Variants in KCNH1 observed in about 807,000 individuals in gnomAD.
The protein encoded by KCNH1 is potassium voltage-gated channel subfamily H member 1, also known as voltage-gated delayed rectifier potassium channel KCNH1.
Under a neutral mutation model 69.2 loss-of-function variants are expected in KCNH1, and 27 were observed. The observed-to-expected ratio is 0.39, with a 90% CI of 0.29 to 0.54. The LOEUF is 0.54. KCNH1 is among the 20% of genes least tolerant of loss of function. KCNH1 has a pLI of 0.68. For synonymous variants in KCNH1, 456 were observed against 487.7 expected, an observed-to-expected ratio of 0.93 and a Z score of 0.86; for missense variants, 798 against 1,261.6, an observed-to-expected ratio of 0.63 and a Z score of 5.57.
chr1:210,916,841 T>C (rs1687341609), intron 7 of KCNH1, among the ~76,000 whole-genome samples: 1 of 152,002 alleles, frequency 6.6e-6, no homozygotes, highest in Non-Finnish European at 1.5e-5. Context: ...TACCCGTGTA[T>C]TTTACATTTT....
chr1:211,096,404 C>T (rs1205746890), intron 3 of KCNH1, among the ~76,000 whole-genome samples: 6 of 152,140 alleles, frequency 3.9e-5, no homozygotes, highest in Non-Finnish European at 8.8e-5. Flanking sequence ...TTTTAAATTT[C>T]TCACCTGTAA....
At chr1:210,952,824 G>A (rs1455615211) in intron 6 of KCNH1, among the ~76,000 whole-genome samples, 5 of 152,326 alleles carry the variant, frequency 3.3e-5, no homozygotes, top group Non-Finnish European at 7.3e-5. Context: ...ATATCATTCA[G>A]GTAAACTATC....
intron 10 of KCNH1, among the ~76,000 whole-genome samples, chr1:210,773,667 T>TC (rs34093365): frequency 0.63 from 95,006 of 151,974 alleles, 30,182 homozygotes; most frequent in African/African-American, 0.67. Flanking sequence ...TGGATTCAGC[T>TC]AGGTATCACC....
intron 7 of KCNH1, among the ~76,000 whole-genome samples, chr1:210,818,988 T>C (rs1428851321): frequency 6.6e-6 from 1 of 152,228 alleles, no homozygotes; most frequent in African/African-American, 2.4e-5. Context: ...CTAATTTAGT[T>C]TGCAAGTAAC....
intron 7 of KCNH1, among the ~76,000 whole-genome samples, chr1:210,918,318 A>G (rs2102559557): frequency 6.6e-6 from 1 of 152,350 alleles, no homozygotes; most frequent in South Asian, 2.1e-4. Context: ...ACCTACTGAA[A>G]CAAGAACGCA....
chr1:211,132,984 C>T (rs767318034), intron 1 of KCNH1: 2 of 152,360 alleles, frequency 1.3e-5, no homozygotes, highest in Middle Eastern at 3.4e-3. Flanking sequence ...TCCATCCCCG[C>T]TCCTAGGACT....
intron 10 of KCNH1, among the ~76,000 whole-genome samples, chr1:210,744,149 C>T (rs1683095978): frequency 6.6e-6 from 1 of 152,314 alleles, no homozygotes; most frequent in East Asian, 1.9e-4. Flanking sequence ...GTGGTCCCTC[C>T]ACCGGAATGC....
Position 210,923,787 on chromosome 1 carries a change from A to G in KCNH1, c.1033-3718T>C, listed in dbSNP as rs551377257. ...CTATACCTTTCTGAAGGCAGAGGCCACTTGTTATTCATTTTAGAAGCCCCA... is the reference window on the plus strand; with the variant it reads ...CTATACCTTTCTGAAGGCAGAGGCCGCTTGTTATTCATTTTAGAAGCCCCA... On this transcript the variant is annotated intron_variant, in intron 6 of 10. Transcript: ENST00000271751. 4.6e-5 allele frequency among the ~76,000 whole-genome samples: 7 copies of G among 152,326 alleles called. No homozygotes were observed. The East Asian group carries it at 9.6e-4, about 21-fold the overall frequency.
chr1:210,729,772 T>C (rs1682698265), intron 10 of KCNH1, among the ~76,000 whole-genome samples: 1 of 152,186 alleles, frequency 6.6e-6, no homozygotes, highest in Non-Finnish European at 1.5e-5. Context: ...TGGATGAAGA[T>C]GATGACCCCT....
intron 10 of KCNH1, among the ~76,000 whole-genome samples, chr1:210,695,845 C>T (rs12754784): frequency 0.062 from 9,457 of 152,304 alleles, 418 homozygotes; most frequent in Non-Finnish European, 0.096. Flanking sequence ...CTCCACACTC[C>T]GCTGGCTGGG....
At chr1:211,110,648 G>A (rs1397581023) in intron 1 of KCNH1, among the ~76,000 whole-genome samples, 1 of 151,990 alleles carries the variant, frequency 6.6e-6, no homozygotes, top group Non-Finnish European at 1.5e-5. Context: ...AAAAATACAG[G>A]TGATAAAAGT....
At chr1:210,794,095 TGATTTCAGTCCATTGACCAAAA>T (rs1434163623) in intron 9 of KCNH1, among the ~76,000 whole-genome samples, 2 of 152,214 alleles carry the variant, frequency 1.3e-5, no homozygotes, top group African/African-American at 4.8e-5. Flanking sequence ...AAGAACAAAC[TGATTTCAGTCCATTGACCAAAA>T]GATATGCTAA....
At position 210,881,644 on chromosome 1, in the gene KCNH1, C is replaced by T. The variant is rs536459115; in HGVS notation, c.1462+37996G>A. Among the ~76,000 whole-genome samples, 71 of 152,226 alleles carry T rather than the reference C, an allele frequency of 4.7e-4. 1 individual carries two copies. The highest frequency in any genetic ancestry group is 1.3e-3 in the African/African-American group (54 of 41,562). The stretch of plus-strand genomic sequence containing the variant: ...ACTTGGAAGCAACCAGGATGTCCTT[C>T]AGTAGATGAATGGATAAACTATCGT... On this transcript the variant is annotated intron_variant, in intron 7 of 10. Transcript: ENST00000271751.
intron 10 of KCNH1, among the ~76,000 whole-genome samples, chr1:210,770,209 G>C (rs1174423490): frequency 1.3e-5 from 2 of 151,886 alleles, no homozygotes; most frequent in Non-Finnish European, 2.9e-5. Flanking sequence ...TTTGGGGTGT[G>C]GGGGGGTCAA....
At chr1:210,848,380 A>G (rs747518621) in intron 7 of KCNH1, among the ~76,000 whole-genome samples, 2 of 152,214 alleles carry the variant, frequency 1.3e-5, no homozygotes, top group African/African-American at 2.4e-5. Context: ...GTCTTTATAA[A>G]TTCTATTCAA....
intron 5 of KCNH1, among the ~76,000 whole-genome samples, chr1:211,074,907 A>G (rs1690706286): frequency 6.6e-6 from 1 of 152,210 alleles, no homozygotes; most frequent in Admixed American, 6.5e-5. Context: ...AATCACCACA[A>G]TCACATAAGC....
intron 10 of KCNH1, among the ~76,000 whole-genome samples, chr1:210,708,068 T>G (rs1397212477): frequency 2.0e-5 from 3 of 152,214 alleles, no homozygotes; most frequent in African/African-American, 7.2e-5. Flanking sequence ...ATGGAGCATC[T>G]TGTGTGTTTG....
At chr1:210,783,592 CT>C (rs1272660916) in intron 9 of KCNH1, among the ~76,000 whole-genome samples, 1 of 152,194 alleles carries the variant, frequency 6.6e-6, no homozygotes, top group Non-Finnish European at 1.5e-5. Context: ...CCATGTTTGC[CT>C]TTCCCTATAC....
At chr1:210,849,624 C>T (rs1286209384) in intron 7 of KCNH1, among the ~76,000 whole-genome samples, 2 of 151,980 alleles carry the variant, frequency 1.3e-5, no homozygotes, top group African/African-American at 4.8e-5. Context: ...CCTCAGCCTC[C>T]CAAAGTGCTG....
Sources: gnomAD v4.1 joint callset for allele counts (sites outside exome capture counted in the v4.1 genomes callset) on GRCh38, gnomAD v4.1.1 for gene constraint, MANE v1.5 for transcripts, NCBI Gene and HGNC (gene_info 2026-07-23, HGNC 2026-07-21) for gene names.